The following BCL11B variants were observed in gnomAD, a reference collection of about 807,000 sequenced individuals.
BCL11B encodes BCL11 transcription factor B.
A neutral mutation model predicts 49.9 loss-of-function variants in BCL11B; 8 were observed. That is an observed-to-expected ratio of 0.16 (90% CI 0.09 to 0.29). The LOEUF (loss-of-function observed/expected upper bound fraction) is 0.29, where lower values mean the gene tolerates loss of function less well. Ranked by LOEUF, BCL11B falls within the 10% of genes least tolerant of loss-of-function variation. The pLI is 1.00. For missense variants in BCL11B, 1,006 were observed against 1,351.0 expected (o/e 0.74, Z 4.00); for synonymous variants, 739 against 637.4 (o/e 1.16, Z -2.40).
Position 99,175,152 on chromosome 14 carries a change from G to A in BCL11B, c.1684C>T (p.Leu562=). 6.3e-7 allele frequency: 1 copy of A among 1,594,640 alleles called. No individual in the cohort carries two copies. Residue 562 remains leucine (L), a synonymous_variant, in exon 4 of 4, where the codon CTG becomes TTG. Coordinates refer to ENST00000357195, the MANE Select transcript of BCL11B (RefSeq NM_138576.4). ...CCGCCGTTCTCGCGGTTGCGGCTCA[G>A]CTCCGAGTCCATGCTGAAGCTCGAC... The part of the protein sequence containing the change: ...PESSFSMDSE[L]SRNRENGGGG...
At chr14:99,187,973 G>A (rs1028364813) in intron 3 of BCL11B, among the ~76,000 whole-genome samples, 1 of 152,188 alleles carries the variant, frequency 6.6e-6, no homozygotes, top group Non-Finnish European at 1.5e-5. Flanking sequence ...TTGACGTTAT[G>A]GAGAGCCTCG....
chr14:99,261,044 A>C (rs1030238549), intron 1 of BCL11B, among the ~76,000 whole-genome samples: 1 of 152,196 alleles, frequency 6.6e-6, no homozygotes, highest in African/African-American at 2.4e-5. Flanking sequence ...CAGGGTGTTC[A>C]CCCGATTCCA....
At chr14:99,181,182 C>T (rs1595222018) in intron 3 of BCL11B, among the ~76,000 whole-genome samples, 1 of 152,306 alleles carries the variant, frequency 6.6e-6, no homozygotes, top group South Asian at 2.1e-4. Context: ...CGAGAAGGAG[C>T]AGCAAGGAGA....
intron 1 of BCL11B, among the ~76,000 whole-genome samples, chr14:99,258,938 T>C (rs1009183121): frequency 1.3e-5 from 2 of 152,006 alleles, no homozygotes; most frequent in African/African-American, 4.8e-5. Flanking sequence ...GACCCAAATA[T>C]TTGGAAGCTA....
intron 3 of BCL11B, among the ~76,000 whole-genome samples, chr14:99,204,190 A>C (rs2664290): frequency 0.14 from 21,084 of 152,128 alleles, 2,637 homozygotes; most frequent in African/African-American, 0.34. Flanking sequence ...GCCACCTGTG[A>C]ACCCATCTCT....
In BCL11B at chr14:99,174,870, C is replaced by T; in HGVS notation, c.1966G>A (p.Gly656Ser). ...GAGGAVNGRG[G>S]GFAPGTEPFP... ...GGCTCGGTGCCTGGCGCGAAGCCGC[C>T]CCCGCGCCCGTTGACCGCGCCGCCC... is the stretch of plus-strand genomic sequence containing the variant. The change falls in exon 4 of 4, where the codon GGC (glycine) becomes AGC (serine). Residue 656 changes from glycine (G) to serine (S), a missense_variant. By Grantham distance (56) the Gly-to-Ser change is moderately conservative. Around this residue, in one of 6 missense-constraint regions of BCL11B, gnomAD observed 443 missense variants for 499.7 expected, o/e 0.89. Transcript: ENST00000357195. 8.6e-7 allele frequency: 1 copy of T among 1,166,450 alleles called. No homozygotes were observed. The highest frequency in any genetic ancestry group is 4.1e-5 in the South Asian group (1 of 24,618). The allele number at this position is 1,166,450 out of a possible 1,614,324, so 72.3% of individuals were successfully genotyped here.
At position 99,175,856 on chromosome 14, in the gene BCL11B, G is replaced by A. The variant is rs778486721; in HGVS notation, c.980C>T (p.Pro327Leu). The A allele has an allele frequency of 2.7e-6, 4 of 1,477,194 alleles. No individual in the cohort carries two copies. In the South Asian group the frequency reaches 5.7e-5, roughly 21 times the overall value. 91.5% of individuals were successfully genotyped at this position (1,477,194 alleles called of 1,614,324 possible). A position where few individuals can be genotyped will look rare whatever the true frequency, so the allele number is the denominator to read the frequency against. Residue 327 changes from proline (P) to leucine (L), a missense_variant, in exon 4 of 4, where the codon CCG (proline) becomes CTG (leucine). Transcript: ENST00000357195. ...FSPPPRHHLD[P>L]HRLSAEEMGL... ...CATCTCCTCGGCACTGAGGCGGTGC[G>A]GGTCCAGGTGGTGGCGCGGCGGGGG...
At chr14:99,200,546 G>C (rs987586293) in intron 3 of BCL11B, among the ~76,000 whole-genome samples, 1 of 152,228 alleles carries the variant, frequency 6.6e-6, no homozygotes, top group Non-Finnish European at 1.5e-5. Context: ...CCTCAGAGAG[G>C]TGAGAAAATC....
chr14:99,234,534 C>G (rs1413732247), intron 2 of BCL11B, among the ~76,000 whole-genome samples: 1 of 152,130 alleles, frequency 6.6e-6, no homozygotes, highest in East Asian at 1.9e-4. Flanking sequence ...ACCGAGAGGA[C>G]TGGATTCAAA....
At chr14:99,211,087 T>C (rs967243861) in intron 3 of BCL11B, among the ~76,000 whole-genome samples, 1 of 152,164 alleles carries the variant, frequency 6.6e-6, no homozygotes, top group Admixed American at 6.5e-5. Context: ...TCCTGAGCCA[T>C]CCACACATGC....
At chr14:99,183,074 C>T (rs541907273) in intron 3 of BCL11B, among the ~76,000 whole-genome samples, 174 of 152,224 alleles carry the variant, frequency 1.1e-3, no homozygotes, top group Admixed American at 3.3e-3. Flanking sequence ...AGACAGGGAA[C>T]CCCCAGTAAC....
rs559163380 is a variant in BCL11B, at chr14:99,253,116, G to A, written c.427+4355C>T. Among the ~76,000 whole-genome samples the A allele has an allele frequency of 3.4e-4, 52 of 152,322 alleles. No homozygotes were observed. The East Asian group carries it at 4.3e-3, about 12-fold the overall frequency. The stretch of plus-strand genomic sequence containing the variant: ...CATAACCCAAAAAGGAGGTGCAGAC[G>A]AGGAAACGGAGGCCAAGAAAAGTGA... On this transcript the variant is annotated intron_variant, in intron 2 of 3. Transcript: ENST00000357195.
In BCL11B at chr14:99,232,255, GGCCTCCC is replaced by G. The variant is rs1888361982; in HGVS notation, c.428-705_428-699del. Among the ~76,000 whole-genome samples, 1 of 152,126 alleles carries G rather than the reference GGCCTCCC, an allele frequency of 6.6e-6. No individual in the cohort carries two copies. Among genetic ancestry groups the G allele is most frequent in the Non-Finnish European group, 1.5e-5 (1 of 68,010 alleles). ...CCTAACGTCTCGGCCTGGCTTGGGA[GGCCTCCC>G]GCCATGTGACAGCAAGGACACAGGG... On this transcript the variant is annotated intron_variant, in intron 2 of 3. Transcript: ENST00000357195. This position sits in a 1 kb window ranked among gnomAD's most constrained non-coding sequence, Gnocchi z 5.1.
Position 99,175,792 on chromosome 14 carries a change from G to A in BCL11B, c.1044C>T (p.Val348=). The A allele has an allele frequency of 6.8e-7, 1 of 1,472,962 alleles. No individual in the cohort carries two copies. The highest frequency in any genetic ancestry group is 1.4e-5 in the South Asian group (1 of 71,258). 91.2% of individuals were successfully genotyped at this position (1,472,962 alleles called of 1,614,324 possible). The stretch of plus-strand genomic sequence containing the variant: ...CGATGGCCATGGGGTTCAGGCGCAT[G>A]ACTCGGTCGAAGGCACTGGGGTGCT... ...VAQHPSAFDR[V]MRLNPMAIDS... is the part of the protein sequence containing the mutation. Residue 348 remains valine (V), a synonymous_variant, in exon 4 of 4, where the codon GTC becomes GTT. Coordinates refer to ENST00000357195, the MANE Select transcript of BCL11B (RefSeq NM_138576.4).
Position 99,175,983 on chromosome 14 carries a change from C to T in BCL11B, c.853G>A (p.Asp285Asn). 6.6e-7 allele frequency: 1 copy of T among 1,508,014 alleles called. No homozygotes were observed. Among genetic ancestry groups the T allele is most frequent in the Admixed American group, 2.2e-5 (1 of 44,902 alleles). The allele number at this position is 1,508,014 out of a possible 1,614,324, so 93.4% of individuals were successfully genotyped here. A position where few individuals can be genotyped will look rare whatever the true frequency, so the allele number is the denominator to read the frequency against. The change falls in exon 4 of 4, where the codon GAC becomes AAC. Residue 285 changes from aspartate (D) to asparagine (N), a missense_variant. Physicochemically the swap from Asp to Asn is conservative, Grantham distance 23 (BLOSUM62 1). Around this residue, in one of 6 missense-constraint regions of BCL11B, gnomAD observed 411 missense variants for 542.2 expected, o/e 0.76. Coordinates refer to ENST00000357195, the MANE Select transcript of BCL11B (RefSeq NM_138576.4). Reference protein sequence around the residue: ...AQSPLMNFLGDSNPFNLLRMT... With the variant: ...AQSPLMNFLGNSNPFNLLRMT... ...CGCAGCAGGTTGAAGGGGTTGCTGT[C>T]GCCCAGGAAATTCATGAGCGGGGAC...
chr14:99,195,918 A>G lies in BCL11B; in HGVS notation c.641-19723T>C, dbSNP rs1343672331. ...CACCCGCCCCTTGTGTCTGCGCGGC[A>G]CAGTGAGAACTGACATTTCTTCCTA... On this transcript the variant is annotated intron_variant, in intron 3 of 3. Transcript: ENST00000357195. This position sits in a 1 kb window ranked among gnomAD's most constrained non-coding sequence, Gnocchi z 4.7. Among the ~76,000 whole-genome samples, 1 of 152,162 alleles carries G rather than the reference A, an allele frequency of 6.6e-6. No individual in the cohort carries two copies. Among genetic ancestry groups the G allele is most frequent in the Non-Finnish European group, 1.5e-5 (1 of 68,030 alleles).
At chr14:99,220,596 G>A (rs1478910767) in intron 3 of BCL11B, among the ~76,000 whole-genome samples, 2 of 152,188 alleles carry the variant, frequency 1.3e-5, no homozygotes, top group Non-Finnish European at 2.9e-5. Flanking sequence ...TGGGAAGTTA[G>A]TGTTTAATGG....
chr14:99,229,504 C>T (rs2793324), intron 3 of BCL11B, among the ~76,000 whole-genome samples: 275 of 152,292 alleles, frequency 1.8e-3, no homozygotes, highest in South Asian at 0.014. Context: ...CCTGGCTAGC[C>T]ACTCTCCCTC....
At chr14:99,187,716 G>T (rs570534990) in intron 3 of BCL11B, among the ~76,000 whole-genome samples, 1 of 150,466 alleles carries the variant, frequency 6.6e-6, no homozygotes, top group East Asian at 2.0e-4. Context: ...GGGGATCAGT[G>T]TGTAGCTGTT....
Sources: allele counts gnomAD v4.1 joint callset (sites outside exome capture counted in the v4.1 genomes callset), GRCh38; gene constraint gnomAD v4.1.1; regional missense constraint gnomAD v4.1.1; non-coding constraint Gnocchi (gnomAD v3.1); transcripts MANE v1.5; gene names NCBI Gene and HGNC (gene_info 2026-07-23, HGNC 2026-07-21).